DOCK1: variants seen among roughly 807,000 people sequenced by gnomAD.
DOCK1 encodes the protein dedicator of cytokinesis protein 1.
Under a neutral mutation model 262.7 loss-of-function variants are expected in DOCK1, and 138 were observed. The observed-to-expected ratio is 0.53, with a 90% CI of 0.46 to 0.61. The LOEUF (loss-of-function observed/expected upper bound fraction) is 0.61, where lower values mean the gene tolerates loss of function less well. Ranked by LOEUF, DOCK1 falls within the 20% of genes least tolerant of loss-of-function variation. The pLI is 0.00. For synonymous variants in DOCK1, 866 were observed against 867.4 expected, an observed-to-expected ratio of 1.00 and a Z score of 0.03; for missense variants, 1,908 against 2,370.7, an observed-to-expected ratio of 0.80 and a Z score of 4.05.
At chr10:127,220,826 T>A (rs191429970) in intron 27 of DOCK1, among the ~76,000 whole-genome samples, 16 of 152,298 alleles carry the variant, frequency 1.1e-4, no homozygotes, top group Non-Finnish European at 1.8e-4. Flanking sequence ...CTCTTTTGAA[T>A]ACTCTGCTTA....
intron 29 of DOCK1, among the ~76,000 whole-genome samples, chr10:127,321,097 A>G (rs1237035656): frequency 2.0e-5 from 3 of 152,072 alleles, no homozygotes; most frequent in Non-Finnish European, 2.9e-5. Flanking sequence ...GACACTGTTG[A>G]TGGCGCCCTT....
At chr10:127,436,063 G>T (rs2069664476) in intron 48 of DOCK1, among the ~76,000 whole-genome samples, 1 of 152,122 alleles carries the variant, frequency 6.6e-6, no homozygotes, top group African/African-American at 2.4e-5. Context: ...TGAAATGTTT[G>T]GTTGTTGCTT....
rs1273449593 is a variant in DOCK1 at position 127,441,236 on chromosome 10, C to G, written c.5259+2011C>G. Among the ~76,000 whole-genome samples, 4 of 152,336 alleles carry G rather than the reference C, an allele frequency of 2.6e-5. No individual in the cohort carries two copies. The East Asian group carries it at 7.7e-4, about 29-fold the overall frequency. On this transcript the variant is annotated intron_variant, in intron 49 of 51. Coordinates refer to ENST00000623213, the MANE Select transcript of DOCK1 (RefSeq NM_001290223.2). ...GAGCCAGCACAGTGCATCTTCTGTC[C>G]CTGCCCTTGGTGGCCCAAGCATCCT...
At chr10:127,036,035 T>TAAATAAAGAAAG (rs1554870839) in intron 18 of DOCK1, among the ~76,000 whole-genome samples, 17 of 149,488 alleles carry the variant, frequency 1.1e-4, no homozygotes, top group African/African-American at 4.0e-4. Context: ...AATAAATAAA[T>TAAATAAAGAAAG]AAATAAATAA....
intron 27 of DOCK1, among the ~76,000 whole-genome samples, chr10:127,219,134 G>C (rs1299730162): frequency 6.6e-6 from 1 of 152,156 alleles, no homozygotes; most frequent in African/African-American, 2.4e-5. Flanking sequence ...ATTAAGTAGT[G>C]GGGACTGCAG....
At chr10:127,383,513 C>T (rs545422381) in intron 37 of DOCK1, among the ~76,000 whole-genome samples, 37 of 152,350 alleles carry the variant, frequency 2.4e-4, no homozygotes, top group African/African-American at 8.9e-4. Flanking sequence ...GGTGAAAAAT[C>T]TTGCAGACCG....
chr10:127,299,580 C>T (rs1023795313), intron 29 of DOCK1, among the ~76,000 whole-genome samples: 10 of 152,208 alleles, frequency 6.6e-5, no homozygotes, highest in South Asian at 4.1e-4. Context: ...GTCTTCCAGA[C>T]GGGCTTCAGA....
intron 18 of DOCK1, among the ~76,000 whole-genome samples, chr10:127,036,882 C>T (rs569561392): frequency 1.9e-4 from 28 of 149,300 alleles, no homozygotes; most frequent in African/African-American, 6.2e-4. Flanking sequence ...GAGGCTGAGG[C>T]AGGAAAATCT....
chr10:127,121,847 C>T (rs568412172), intron 25 of DOCK1, among the ~76,000 whole-genome samples: 1 of 152,230 alleles, frequency 6.6e-6, no homozygotes, highest in Non-Finnish European at 1.5e-5. Context: ...GAGTGGCAGA[C>T]CTGCTTTTAA....
intron 29 of DOCK1, among the ~76,000 whole-genome samples, chr10:127,292,876 T>C (rs768297141): frequency 1.3e-5 from 2 of 152,220 alleles, no homozygotes; most frequent in Non-Finnish European, 2.9e-5. Context: ...ACAAATTTCA[T>C]GTCCTGTCTC....
chr10:127,188,881 T>A (rs919259118), intron 27 of DOCK1, among the ~76,000 whole-genome samples: 2 of 152,162 alleles, frequency 1.3e-5, no homozygotes, highest in Non-Finnish European at 2.9e-5. Flanking sequence ...GAGGCACAGG[T>A]AGTGGAGTCA....
chr10:127,351,584 G>A (rs1272881219), intron 31 of DOCK1, among the ~76,000 whole-genome samples: 1 of 152,102 alleles, frequency 6.6e-6, no homozygotes, highest in African/African-American at 2.4e-5. Flanking sequence ...TCTCCTGTAT[G>A]ACTAGTGCAG....
chr10:127,023,217 A>T lies in DOCK1; in HGVS notation c.1345A>T (p.Ile449Phe). ...CCCCTCAGGTGATGTTCGAAATGAT[A>T]TCTATGTAACATTAGTTCAAGGAGA... ...IIMPGDVRNDIYVTLVQGDFD... is the reference protein window; with the variant it reads ...IIMPGDVRNDFYVTLVQGDFD... The change falls in exon 14 of 52, where the codon ATC becomes TTC. Residue 449 changes from isoleucine (I) to phenylalanine (F), a missense_variant. Physicochemically the swap from Ile to Phe is conservative, Grantham distance 21 (BLOSUM62 0). Around this residue, in one of 9 missense-constraint regions of DOCK1, gnomAD observed 294 missense variants for 439.9 expected, o/e 0.67. Coordinates refer to ENST00000623213, the MANE Select transcript of DOCK1 (RefSeq NM_001290223.2). 1 of 1,613,930 alleles carries T rather than the reference A, an allele frequency of 6.2e-7. No homozygotes were observed. The highest frequency in any genetic ancestry group is 8.5e-7 in the Non-Finnish European group (1 of 1,179,874).
intron 27 of DOCK1, among the ~76,000 whole-genome samples, chr10:127,234,044 A>G (rs1220156972): frequency 1.3e-5 from 2 of 152,212 alleles, no homozygotes; most frequent in African/African-American, 2.4e-5. Flanking sequence ...CTTCCTTGAC[A>G]TGATACATAC....
At chr10:127,336,639 G>A (rs61870289) in intron 29 of DOCK1, among the ~76,000 whole-genome samples, 3,842 of 151,076 alleles carry the variant, frequency 0.025, 73 homozygotes, top group South Asian at 0.043. Context: ...TCCCAGGTTC[G>A]CACCATTCTC....
intron 23 of DOCK1, among the ~76,000 whole-genome samples, chr10:127,103,994 A>G (rs1203685853): frequency 2.0e-5 from 3 of 152,162 alleles, no homozygotes; most frequent in Non-Finnish European, 4.4e-5. Context: ...TCTTATTGTC[A>G]TTTTAATTTG....
chr10:127,153,926 A>G (rs1170128041), intron 27 of DOCK1: 4 of 1,612,822 alleles, frequency 2.5e-6, no homozygotes, highest in Admixed American at 1.7e-5. Flanking sequence ...ATGAAAGCCT[A>G]CAAGATAAGA....
At chr10:127,152,506 G>A (rs1288507565) in intron 27 of DOCK1, among the ~76,000 whole-genome samples, 3 of 152,188 alleles carry the variant, frequency 2.0e-5, no homozygotes, top group African/African-American at 7.2e-5. Context: ...GGCCTTACCA[G>A]CTTGTGTGTG....
intron 6 of DOCK1, 123 bp downstream of exon 6, chr10:126,990,726 G>T: frequency 8.1e-7 from 1 of 1,234,882 alleles, no homozygotes; most frequent in Non-Finnish European, 1.1e-6. Flanking sequence ...CAAAGTAATG[G>T]CATGTTTTTC....
Sources: gnomAD v4.1 joint callset for allele counts (sites outside exome capture counted in the v4.1 genomes callset) on GRCh38, gnomAD v4.1.1 for gene constraint, gnomAD v4.1.1 regional missense constraint, MANE v1.5 for transcripts, NCBI Gene and HGNC (gene_info 2026-07-23, HGNC 2026-07-21) for gene names.